MSI2: variants seen among roughly 807,000 people sequenced by gnomAD.
MSI2 encodes the protein RNA-binding protein Musashi homolog 2.
Under a neutral mutation model 45.6 loss-of-function variants are expected in MSI2, and 17 were observed. The observed-to-expected ratio is 0.37, with a 90% CI of 0.26 to 0.56. The LOEUF (loss-of-function observed/expected upper bound fraction) is 0.56. Ranked by LOEUF, MSI2 falls within the 20% of genes least tolerant of loss-of-function variation. The probability of loss-of-function intolerance (pLI) is 0.77; values close to 1 mark genes in which losing one functional copy is unlikely to be tolerated. For synonymous variants in MSI2, 156 were observed against 158.2 expected, an observed-to-expected ratio of 0.99 and a Z score of 0.11; for missense variants, 293 against 444.2, an observed-to-expected ratio of 0.66 and a Z score of 3.06.
At chr17:57,275,555 T>C (rs1410490468) in intron 5 of MSI2, among the ~76,000 whole-genome samples, 1 of 152,134 alleles carries the variant, frequency 6.6e-6, no homozygotes, top group Non-Finnish European at 1.5e-5. Context: ...CTCAGACCTA[T>C]TGTCGGGGCT....
intron 5 of MSI2, chr17:57,285,876 G>T: frequency 1.1e-5 from 17 of 1,524,940 alleles, no homozygotes; most frequent in Non-Finnish European, 1.4e-5. Context: ...TTCCGAACAG[G>T]TGTTTAGATG....
At chr17:57,517,967 C>T (rs948985280) in intron 6 of MSI2, among the ~76,000 whole-genome samples, 6 of 152,180 alleles carry the variant, frequency 3.9e-5, no homozygotes, top group Non-Finnish European at 7.3e-5. Context: ...TGCTCTGCAA[C>T]CAACTCTGCG....
At chr17:57,479,859 A>T (rs1431233433) in intron 6 of MSI2, among the ~76,000 whole-genome samples, 2 of 152,170 alleles carry the variant, frequency 1.3e-5, no homozygotes, top group Non-Finnish European at 2.9e-5. Context: ...ATTTTTACAC[A>T]TTGGGAGACT....
intron 6 of MSI2, among the ~76,000 whole-genome samples, chr17:57,496,736 G>A (rs1190407957): frequency 7.2e-5 from 11 of 152,190 alleles, no homozygotes; most frequent in Admixed American, 7.2e-4. Flanking sequence ...GTGAAGGGTG[G>A]GAACAAGACA....
intron 6 of MSI2, among the ~76,000 whole-genome samples, chr17:57,491,983 C>T (rs1372726687): frequency 1.3e-5 from 2 of 152,146 alleles, no homozygotes; most frequent in African/African-American, 4.8e-5. Flanking sequence ...GTAATTTGCT[C>T]CTGATACCAC....
chr17:57,265,443 TAAAAA>T (rs1907685064), intron 5 of MSI2: 1 of 152,194 alleles, frequency 6.6e-6, no homozygotes, highest in East Asian at 1.9e-4. Context: ...AATGGTAACT[TAAAAA>T]GAAAGAAAAT....
At chr17:57,287,451 G>A (rs1368311493) in intron 5 of MSI2, among the ~76,000 whole-genome samples, 1 of 152,188 alleles carries the variant, frequency 6.6e-6, no homozygotes, top group Non-Finnish European at 1.5e-5. Flanking sequence ...TCTGCGGGTG[G>A]AGGACTGCCG....
intron 6 of MSI2, chr17:57,406,809 T>G (rs890738766): frequency 6.6e-6 from 1 of 152,274 alleles, no homozygotes; most frequent in African/African-American, 2.4e-5. Context: ...GGCCTACAAG[T>G]CATTTCCAAT....
chr17:57,674,290 G>T (rs1403051709), intron 11 of MSI2, among the ~76,000 whole-genome samples: 2 of 141,198 alleles, frequency 1.4e-5, no homozygotes, highest in Non-Finnish European at 3.1e-5. Context: ...GGTGGTGGGG[G>T]TGGGATGGAG....
intron 6 of MSI2, among the ~76,000 whole-genome samples, chr17:57,526,802 C>G (rs200021574): frequency 1.3e-5 from 2 of 152,160 alleles, no homozygotes; most frequent in East Asian, 3.9e-4. Flanking sequence ...TATTTTGTAA[C>G]GTGTTAATAG....
At chr17:57,345,988 G>A (rs1336423291) in intron 5 of MSI2, among the ~76,000 whole-genome samples, 1 of 152,060 alleles carries the variant, frequency 6.6e-6, no homozygotes, top group African/African-American at 2.4e-5. Context: ...GTATCAATAG[G>A]TAGGTAGCGG....
chr17:57,549,941 T>C (rs548802787), intron 7 of MSI2, among the ~76,000 whole-genome samples: 3 of 152,100 alleles, frequency 2.0e-5, no homozygotes, highest in Non-Finnish European at 4.4e-5. Context: ...GGGAGGTCAG[T>C]TGAGACCCTG....
At position 57,627,222 on chromosome 17, in the gene MSI2, G is replaced by C. The variant is rs760371680; in HGVS notation, c.653-7G>C. 6.2e-7 allele frequency: 1 copy of C among 1,614,138 alleles called. No homozygotes were observed. Among genetic ancestry groups the C allele is most frequent in the Non-Finnish European group, 8.5e-7 (1 of 1,179,986 alleles). On this transcript the variant is annotated splice_region_variant and splice_polypyrimidine_tract_variant and intron_variant, in intron 9 of 13. Transcript: ENST00000284073. The surrounding 1 kb of genome is among the most constrained non-coding windows in gnomAD (Gnocchi z 4.6). ...ACAGGACTCTGATCTTTCTCTTTGT[G>C]TTCAAGGATATCCCAACTTCGTGGC... is the stretch of plus-strand genomic sequence containing the variant.
chr17:57,470,326 G>A (rs1203721141), intron 6 of MSI2, among the ~76,000 whole-genome samples: 2 of 152,108 alleles, frequency 1.3e-5, no homozygotes, highest in Non-Finnish European at 2.9e-5. Flanking sequence ...CACCCAGGCT[G>A]GAGTGCAATG....
At chr17:57,564,742 T>C (rs2087686274) in intron 7 of MSI2, among the ~76,000 whole-genome samples, 1 of 152,224 alleles carries the variant, frequency 6.6e-6, no homozygotes, top group Admixed American at 6.5e-5. Flanking sequence ...TGCTAAATTG[T>C]ATGGTATTTC....
At chr17:57,359,350 T>C (rs1417847356) in intron 5 of MSI2, among the ~76,000 whole-genome samples, 1 of 152,168 alleles carries the variant, frequency 6.6e-6, no homozygotes, top group African/African-American at 2.4e-5. Context: ...ACAAGGGAGA[T>C]AGAATAGGGT....
intron 5 of MSI2, chr17:57,279,337 A>AG (rs969824926): frequency 1.3e-4 from 20 of 152,484 alleles, no homozygotes; most frequent in African/African-American, 4.8e-4. Context: ...TTCACGGAGG[A>AG]GGGCTTGTGA....
chr17:57,275,214 C>A (rs1268592061), intron 5 of MSI2, among the ~76,000 whole-genome samples: 3 of 152,190 alleles, frequency 2.0e-5, no homozygotes, highest in East Asian at 1.9e-4. Context: ...GCAGGGAAAT[C>A]ATTTCAGTTA....
chr17:57,414,390 G>A (rs11650999), intron 6 of MSI2, among the ~76,000 whole-genome samples: 15,106 of 145,624 alleles, frequency 0.1, 757 homozygotes, highest in African/African-American at 0.11. Context: ...GGTAAAATTA[G>A]GATTTTTTTT....
Sources: gnomAD v4.1 joint callset for allele counts (sites outside exome capture counted in the v4.1 genomes callset) on GRCh38, gnomAD v4.1.1 for gene constraint, Gnocchi (gnomAD v3.1) non-coding constraint, MANE v1.5 for transcripts, NCBI Gene and HGNC (gene_info 2026-07-23, HGNC 2026-07-21) for gene names.